The following EEIG2 variants were observed in gnomAD, a reference collection of about 807,000 sequenced individuals.
EEIG2 encodes the protein family with sequence similarity 102 member B.
At chr1:108,610,530 A>G in the EEIG2 span, among the ~76,000 whole-genome samples, 1 of 152,226 alleles carries the variant, frequency 6.6e-6, no homozygotes, top group African/African-American at 2.4e-5. Flanking sequence ...AATAGGGTGC[A>G]CTGATAATGT....
chr1:108,614,452 C>T, the EEIG2 span, among the ~76,000 whole-genome samples: 1 of 152,162 alleles, frequency 6.6e-6, no homozygotes, highest in Non-Finnish European at 1.5e-5. Context: ...CTGTCTCATA[C>T]CTTTTTTCTC....
the EEIG2 span, among the ~76,000 whole-genome samples, chr1:108,589,403 T>C: frequency 6.6e-6 from 1 of 152,340 alleles, no homozygotes; most frequent in African/African-American, 2.4e-5. Context: ...GTTCCCTGTC[T>C]CTGCTCCTCA....
chr1:108,597,416 T>C, the EEIG2 span, among the ~76,000 whole-genome samples: 2 of 152,198 alleles, frequency 1.3e-5, no homozygotes, highest in African/African-American at 4.8e-5. Flanking sequence ...ATACCTGCCC[T>C]CACTTCAGGC....
chr1:108,568,075 C>T, the EEIG2 span, among the ~76,000 whole-genome samples: 1 of 151,184 alleles, frequency 6.6e-6, no homozygotes, highest in South Asian at 2.1e-4. Flanking sequence ...TGGCTTTGTA[C>T]AACTAAGTTC....
the EEIG2 span, among the ~76,000 whole-genome samples, chr1:108,633,951 C>T: frequency 6.6e-6 from 1 of 152,164 alleles, no homozygotes; most frequent in Non-Finnish European, 1.5e-5. Context: ...TCGGAAGATC[C>T]TGAAGGAAAC....
the EEIG2 span, among the ~76,000 whole-genome samples, chr1:108,567,112 A>G: frequency 6.6e-6 from 1 of 152,214 alleles, no homozygotes; most frequent in Non-Finnish European, 1.5e-5. Flanking sequence ...CACAGTAAGT[A>G]TATACAATTT....
At chr1:108,636,628 A>T in the EEIG2 span, 1 of 152,366 alleles carries the variant, frequency 6.6e-6, no homozygotes, top group South Asian at 2.1e-4. Flanking sequence ...GGAAGTTTTT[A>T]AAAAATGATA....
chr1:108,598,647 A>G, the EEIG2 span, among the ~76,000 whole-genome samples: 3 of 152,204 alleles, frequency 2.0e-5, no homozygotes, highest in Non-Finnish European at 4.4e-5. Context: ...CTAAGGAAAA[A>G]AAATGGCCAA....
the EEIG2 span, among the ~76,000 whole-genome samples, chr1:108,604,823 G>C: frequency 2.8e-5 from 4 of 143,458 alleles, no homozygotes; most frequent in Non-Finnish European, 6.0e-5. Flanking sequence ...AAGGCCGGAA[G>C]TTTGAGACAA....
the EEIG2 span, among the ~76,000 whole-genome samples, chr1:108,595,559 G>A: frequency 1.4e-5 from 2 of 138,736 alleles, no homozygotes; most frequent in Admixed American, 7.4e-5. Context: ...CGGAGGGAGA[G>A]AGGGAGAGAG....
chr1:108,566,460 T>G, the EEIG2 span, among the ~76,000 whole-genome samples: 1 of 152,146 alleles, frequency 6.6e-6, no homozygotes, highest in South Asian at 2.1e-4. Flanking sequence ...TTACTAGTAG[T>G]AGAAAGTACT....
At chr1:108,621,205 C>T in the EEIG2 span, among the ~76,000 whole-genome samples, 2 of 152,190 alleles carry the variant, frequency 1.3e-5, no homozygotes, top group African/African-American at 4.8e-5. Flanking sequence ...ATACTTGACC[C>T]ACATTAAGTG....
chr1:108,574,187 A>T, the EEIG2 span, among the ~76,000 whole-genome samples: 2 of 152,212 alleles, frequency 1.3e-5, no homozygotes, highest in Non-Finnish European at 2.9e-5. Flanking sequence ...GCCTTAAAAA[A>T]TGAAGGAAAT....
chr1:108,579,737 T>TGG, the EEIG2 span, among the ~76,000 whole-genome samples: 2 of 111,358 alleles, frequency 1.8e-5, no homozygotes, highest in Non-Finnish European at 3.7e-5. Flanking sequence ...CTTGTTTTTT[T>TGG]GGTGTGTGTG....
At chr1:108,568,738 T>C in the EEIG2 span, among the ~76,000 whole-genome samples, 56 of 152,282 alleles carry the variant, frequency 3.7e-4, no homozygotes, top group Admixed American at 6.5e-4. Context: ...TTTTGTCTTA[T>C]TGCTCTCAGG....
chr1:108,609,060 G>A, the EEIG2 span, among the ~76,000 whole-genome samples: 1 of 152,132 alleles, frequency 6.6e-6, no homozygotes, highest in African/African-American at 2.4e-5. Context: ...TGGGGGTTAG[G>A]GTTTCAACAT....
chr1:108,604,464 T>C, the EEIG2 span, among the ~76,000 whole-genome samples: 7 of 152,154 alleles, frequency 4.6e-5, no homozygotes, highest in African/African-American at 1.2e-4. Flanking sequence ...TCTGTTACTA[T>C]GGAGTGGGGG....
At chr1:108,587,507 C>T in the EEIG2 span, among the ~76,000 whole-genome samples, 1 of 152,104 alleles carries the variant, frequency 6.6e-6, no homozygotes, top group Admixed American at 6.6e-5. Flanking sequence ...GACATGTACC[C>T]ACCATCATAG....
chr1:108,609,719 C>T, the EEIG2 span, among the ~76,000 whole-genome samples: 208 of 152,284 alleles, frequency 1.4e-3, 1 homozygote, highest in African/African-American at 3.1e-3. Context: ...GCAGAGAAAA[C>T]TCTTCCAAGA....
Sources: allele counts gnomAD v4.1 joint callset (sites outside exome capture counted in the v4.1 genomes callset), GRCh38; gene constraint gnomAD v4.1.1; transcripts MANE v1.5; gene names NCBI Gene and HGNC (gene_info 2026-07-23, HGNC 2026-07-21).